ATOH8: variants seen among roughly 807,000 people sequenced by gnomAD.
ATOH8 encodes transcription factor ATOH8.
ATOH8 carries 9 observed loss-of-function variants against 21.2 expected under a neutral mutation model. The observed-to-expected ratio is 0.42, with a 90% CI of 0.26 to 0.74. The LOEUF (loss-of-function observed/expected upper bound fraction) is 0.74, where lower values mean the gene tolerates loss of function less well. Among genes scored for constraint, ATOH8 ranks in the 30% least tolerant of loss-of-function variants. The pLI is 0.24. For missense variants in ATOH8, 524 were observed against 470.9 expected, an observed-to-expected ratio of 1.11 and a Z score of -1.04; for synonymous variants, 253 against 224.0, an observed-to-expected ratio of 1.13 and a Z score of -1.16.
chr2:85,754,995 G>C, intron 1 of ATOH8, 38 bp downstream of exon 1: 1 of 1,541,952 alleles, frequency 6.5e-7, no homozygotes, highest in South Asian at 1.2e-5. Flanking sequence ...CTGCGCCGGG[G>C]GACGACTGCG....
At position 85,766,975 on chromosome 2, in the gene ATOH8, C is replaced by T. The variant is rs111502834; in HGVS notation, c.960+2793C>T. On this transcript the variant is annotated intron_variant, in intron 2 of 2. Transcript: ENST00000306279. This position sits in a 1 kb window ranked among gnomAD's most constrained non-coding sequence, Gnocchi z 4.0. ...AGAGTGGACTCATGGGCCCTGACAC[C>T]GAGGGGGCCTGAAGCCCCAGGGGAG... Among the ~76,000 whole-genome samples, 1,614 of 152,272 alleles carry T rather than the reference C, an allele frequency of 0.011. 36 individuals are homozygous for T. The highest frequency in any genetic ancestry group is 0.037 in the African/African-American group (1,518 of 41,560).
chr2:85,755,372 G>A (rs575142998), intron 1 of ATOH8, among the ~76,000 whole-genome samples: 7 of 152,158 alleles, frequency 4.6e-5, no homozygotes, highest in African/African-American at 1.4e-4. Context: ...GGAACGCTGC[G>A]GTGGGACAGT....
In ATOH8 at chr2:85,789,363, G is replaced by A. The variant is rs919821599; in HGVS notation, c.*2473G>A. On this transcript the variant is annotated 3_prime_UTR_variant, in exon 3 of 3. Transcript: ENST00000306279. ...GCTCTGGGTTCTGTACGGAGGGTGG[G>A]ACAGACAGGTAGACAAGCAAATAAT... is the stretch of plus-strand genomic sequence containing the variant. Among the ~76,000 whole-genome samples, 2 of 152,190 alleles carry A rather than the reference G, an allele frequency of 1.3e-5. No individual in the cohort carries two copies. The highest frequency in any genetic ancestry group is 2.9e-5 in the Non-Finnish European group (2 of 68,040).
At chr2:85,764,769 G>A (rs1412306161) in intron 2 of ATOH8, among the ~76,000 whole-genome samples, 1 of 152,190 alleles carries the variant, frequency 6.6e-6, no homozygotes, top group Non-Finnish European at 1.5e-5. Context: ...GGAGGGTCAG[G>A]GAGACCCTCT....
At chr2:85,774,777 T>C in intron 2 of ATOH8, 2 of 985,434 alleles carry the variant, frequency 2.0e-6, no homozygotes, top group Non-Finnish European at 2.4e-6. Flanking sequence ...ACTCCCTATG[T>C]CCCAATTTAC....
At position 85,757,126 on chromosome 2, in the gene ATOH8, T is replaced by C. The variant is rs559964965; in HGVS notation, c.768+2169T>C. ...GGTCACAGAAGCACCTGTTCCTGTT[T>C]GTTTCCTCCTTGCCCTAGCCATTCT... On this transcript the variant is annotated intron_variant, in intron 1 of 2. Transcript: ENST00000306279. Among the ~76,000 whole-genome samples, 6 of 152,388 alleles carry C rather than the reference T, an allele frequency of 3.9e-5. No individual in the cohort carries two copies. In the South Asian group the frequency reaches 1.0e-3, roughly 26 times the overall value.
chr2:85,763,334 A>C (rs1296591386), intron 1 of ATOH8, among the ~76,000 whole-genome samples: 1 of 152,096 alleles, frequency 6.6e-6, no homozygotes, highest in African/African-American at 2.4e-5. Context: ...TCATTGACAA[A>C]CGTGTCAAGT....
chr2:85,786,974 C>T lies in ATOH8; in HGVS notation c.*84C>T. 6.3e-7 allele frequency: 1 copy of T among 1,585,158 alleles called. No individual in the cohort carries two copies. Among genetic ancestry groups the T allele is most frequent in the Non-Finnish European group, 8.6e-7 (1 of 1,156,400 alleles). ...GACAAGGTGAGCTCGCTGAGTCCAG[C>T]CTCGTGGTCTTCTCCAAGATGCCGC... On this transcript the variant is annotated 3_prime_UTR_variant, in exon 3 of 3. Coordinates refer to ENST00000306279, the MANE Select transcript of ATOH8 (RefSeq NM_032827.7).
In ATOH8 at chr2:85,754,743, C is replaced by T. The variant is rs755604165; in HGVS notation, c.554C>T (p.Thr185Met). The T allele has an allele frequency of 1.9e-6, 3 of 1,612,612 alleles. No individual in the cohort carries two copies. The highest frequency in any genetic ancestry group is 2.2e-5 in the South Asian group (2 of 91,092). The change falls in exon 1 of 3, where the codon ACG (threonine) becomes ATG (methionine). Residue 185 changes from threonine (T) to methionine (M), a missense_variant. Transcript: ENST00000306279. ...TCCACTGTGCGCCCTGCGCCCCCGACGCGCCCCGGGGAAAGTTCCTACTCG... is the reference window on the plus strand; with the variant it reads ...TCCACTGTGCGCCCTGCGCCCCCGATGCGCCCCGGGGAAAGTTCCTACTCG... ...PESTVRPAPP[T>M]RPGESSYSSI...
At position 85,754,495 on chromosome 2, in the gene ATOH8, C is replaced by T. The variant is rs1026557608; in HGVS notation, c.306C>T (p.Pro102=). 22 of 1,433,998 alleles carry T rather than the reference C, an allele frequency of 1.5e-5. No homozygotes were observed. The highest frequency in any genetic ancestry group is 2.0e-5 in the Non-Finnish European group (22 of 1,103,642). 88.8% of individuals were successfully genotyped at this position (1,433,998 alleles called of 1,614,324 possible). A position where few individuals can be genotyped will look rare whatever the true frequency, so the allele number is the denominator to read the frequency against. ...TAGERGGSRA[P]EVSDARKRCF... is the part of the protein sequence containing the mutation. ...GGGAGCGCGGGGGCTCTCGGGCGCC[C>T]GAGGTCTCCGACGCGCGGAAACGCT... The change falls in exon 1 of 3, where the codon CCC becomes CCT. Residue 102 remains proline (P), a synonymous_variant. Coordinates refer to ENST00000306279, the MANE Select transcript of ATOH8 (RefSeq NM_032827.7).
intron 2 of ATOH8, among the ~76,000 whole-genome samples, chr2:85,776,566 C>T (rs1011375762): frequency 1.3e-5 from 2 of 152,170 alleles, no homozygotes; most frequent in East Asian, 1.9e-4. Context: ...CATGCACACA[C>T]GCAGGTGTGC....
intron 1 of ATOH8, among the ~76,000 whole-genome samples, chr2:85,755,531 G>T (rs1421040113): frequency 6.6e-6 from 1 of 152,196 alleles, no homozygotes; most frequent in Non-Finnish European, 1.5e-5. Flanking sequence ...CTCAGGAATC[G>T]GCTGGTGGGA....
At chr2:85,756,097 A>G (rs1558606742) in intron 1 of ATOH8, among the ~76,000 whole-genome samples, 1 of 150,316 alleles carries the variant, frequency 6.7e-6, no homozygotes. Context: ...TGGAAAGGAA[A>G]TTGAATCCTT....
At chr2:85,760,835 C>T (rs1319817425) in intron 1 of ATOH8, 2 of 152,290 alleles carry the variant, frequency 1.3e-5, no homozygotes, top group Non-Finnish European at 2.9e-5. Context: ...GGCATTGCTA[C>T]TCCGACTTTC....
chr2:85,758,612 C>T (rs1679781550), intron 1 of ATOH8, among the ~76,000 whole-genome samples: 2 of 152,252 alleles, frequency 1.3e-5, no homozygotes, highest in Admixed American at 6.5e-5. Flanking sequence ...TCATAATCCA[C>T]TGTCCTCTCA....
rs1174557815 is a variant in ATOH8 at position 85,754,552 on chromosome 2, C to A, written c.363C>A (p.Leu121=). 2.8e-6 allele frequency: 4 copies of A among 1,438,640 alleles called. No individual in the cohort carries two copies. Among genetic ancestry groups the A allele is most frequent in the Non-Finnish European group, 9.0e-7 (1 of 1,107,862 alleles). 89.1% of individuals were successfully genotyped at this position (1,438,640 alleles called of 1,614,324 possible). ...CCCTAGGCGCAGTGGGGCCAGGACT[C>A]CCCACGCCGCCGCCGCCGCCGCCTC... ...CFALGAVGPG[L]PTPPPPPPPA... is the part of the protein sequence containing the mutation. Residue 121 remains leucine, a synonymous_variant, in exon 1 of 3, where the codon CTC becomes CTA. Coordinates refer to ENST00000306279, the MANE Select transcript of ATOH8 (RefSeq NM_032827.7).
At chr2:85,767,411 A>T (rs1185224884) in intron 2 of ATOH8, among the ~76,000 whole-genome samples, 4 of 151,738 alleles carry the variant, frequency 2.6e-5, no homozygotes, top group Non-Finnish European at 5.9e-5. Flanking sequence ...GAAGCCCAGG[A>T]ACTTATAACA....
intron 2 of ATOH8, among the ~76,000 whole-genome samples, chr2:85,779,665 G>C (rs1446479892): frequency 6.6e-6 from 1 of 152,240 alleles, no homozygotes; most frequent in African/African-American, 2.4e-5. Context: ...AGGTCTGTAG[G>C]GGTTAAGGGT....
rs939104758 is a variant in ATOH8 at position 85,766,655 on chromosome 2, G to C, written c.960+2473G>C. On this transcript the variant is annotated intron_variant, in intron 2 of 2. Coordinates refer to ENST00000306279, the MANE Select transcript of ATOH8 (RefSeq NM_032827.7). The surrounding 1 kb of genome is among the most constrained non-coding windows in gnomAD (Gnocchi z 4.0). ...TGACACGGCAGCCTTTGCAAGTGTGGGCATCTCAAGCAGCCAGATTCCTTT... is the reference window on the plus strand; with the variant it reads ...TGACACGGCAGCCTTTGCAAGTGTGCGCATCTCAAGCAGCCAGATTCCTTT... 6.6e-6 allele frequency among the ~76,000 whole-genome samples: 1 copy of C among 152,150 alleles called. No individual in the cohort carries two copies. Among genetic ancestry groups the C allele is most frequent in the African/African-American group, 2.4e-5 (1 of 41,440 alleles).
Sources: gnomAD v4.1 joint callset for allele counts (sites outside exome capture counted in the v4.1 genomes callset) on GRCh38, gnomAD v4.1.1 for gene constraint, Gnocchi (gnomAD v3.1) non-coding constraint, MANE v1.5 for transcripts, NCBI Gene and HGNC (gene_info 2026-07-23, HGNC 2026-07-21) for gene names.